AFG2A: variants seen among roughly 807,000 people sequenced by gnomAD.
AFG2A encodes AAA ATPase AFG2A.
At chr4:123,044,529 A>G in the AFG2A span, among the ~76,000 whole-genome samples, 2,080 of 152,150 alleles carry the variant, frequency 0.014, 51 homozygotes, top group African/African-American at 0.047. Context: ...AATTTTAACA[A>G]AATTCATGTG....
the AFG2A span, among the ~76,000 whole-genome samples, chr4:123,082,041 A>G: frequency 1.3e-5 from 2 of 151,584 alleles, no homozygotes; most frequent in African/African-American, 4.9e-5. Context: ...TCTTTATCAC[A>G]TGTGTCTTTC....
At chr4:123,118,275 A>C in the AFG2A span, among the ~76,000 whole-genome samples, 4 of 136,362 alleles carry the variant, frequency 2.9e-5, no homozygotes. Flanking sequence ...GCAAATATAT[A>C]TGCAAATATA....
the AFG2A span, among the ~76,000 whole-genome samples, chr4:123,198,409 G>A: frequency 1.3e-4 from 20 of 152,216 alleles, no homozygotes; most frequent in East Asian, 5.8e-4. Flanking sequence ...ACACAAATTC[G>A]TATGCATTTG....
chr4:123,268,217 C>T, the AFG2A span, among the ~76,000 whole-genome samples: 1 of 151,858 alleles, frequency 6.6e-6, no homozygotes, highest in Admixed American at 6.6e-5. Context: ...AAAAGAGAGA[C>T]AAGAATAATA....
the AFG2A span, among the ~76,000 whole-genome samples, chr4:122,939,475 T>C: frequency 1.3e-5 from 2 of 152,198 alleles, no homozygotes; most frequent in Non-Finnish European, 1.5e-5. Flanking sequence ...AAAAATTTTC[T>C]AAGACTCCTG....
At chr4:123,256,169 T>G in the AFG2A span, 1 of 1,614,066 alleles carries the variant, frequency 6.2e-7, no homozygotes, top group Non-Finnish European at 8.5e-7. Flanking sequence ...CGACGCATAC[T>G]CAGGAGCAGA....
the AFG2A span, among the ~76,000 whole-genome samples, chr4:123,266,105 A>G: frequency 1.3e-5 from 2 of 152,002 alleles, no homozygotes; most frequent in Admixed American, 1.3e-4. Context: ...ATTTGAAGTG[A>G]TGGAAGGCTG....
At chr4:122,945,264 G>A in the AFG2A span, among the ~76,000 whole-genome samples, 129 of 152,354 alleles carry the variant, frequency 8.5e-4, 2 homozygotes, top group East Asian at 0.024. Context: ...AGGCAGGCAG[G>A]CTTCCTTGAG....
At chr4:123,214,394 A>G in the AFG2A span, among the ~76,000 whole-genome samples, 20 of 152,222 alleles carry the variant, frequency 1.3e-4, no homozygotes, top group African/African-American at 4.8e-4. Flanking sequence ...CAGATGACAG[A>G]TCTCATATCA....
the AFG2A span, among the ~76,000 whole-genome samples, chr4:122,975,363 A>C: frequency 6.6e-6 from 1 of 152,184 alleles, no homozygotes; most frequent in Non-Finnish European, 1.5e-5. Flanking sequence ...ACCTCCCATC[A>C]GTGTGTCATT....
chr4:123,104,663 A>G, the AFG2A span, among the ~76,000 whole-genome samples: 2 of 152,358 alleles, frequency 1.3e-5, no homozygotes, highest in Non-Finnish European at 1.5e-5. Context: ...CACATGAATG[A>G]TAAGAAAGCA....
At chr4:123,136,828 G>C in the AFG2A span, among the ~76,000 whole-genome samples, 24 of 147,776 alleles carry the variant, frequency 1.6e-4, no homozygotes, top group Middle Eastern at 6.9e-3. Flanking sequence ...GGCAACAAAA[G>C]TGAAACTCCA....
chr4:122,973,572 A>G, the AFG2A span, among the ~76,000 whole-genome samples: 2 of 151,236 alleles, frequency 1.3e-5, no homozygotes, highest in East Asian at 1.9e-4. Flanking sequence ...TGAATATCCT[A>G]TGTTTGTCTC....
At chr4:123,080,464 A>G in the AFG2A span, among the ~76,000 whole-genome samples, 1 of 152,220 alleles carries the variant, frequency 6.6e-6, no homozygotes, top group Non-Finnish European at 1.5e-5. Flanking sequence ...TTGCTCTGGC[A>G]GCCCCATCTG....
chr4:122,931,508 A>G, the AFG2A span, among the ~76,000 whole-genome samples: 1 of 152,080 alleles, frequency 6.6e-6, no homozygotes, highest in Non-Finnish European at 1.5e-5. Flanking sequence ...GTATATATAT[A>G]ATATATATAC....
the AFG2A span, among the ~76,000 whole-genome samples, chr4:123,235,436 G>A: frequency 1.3e-5 from 2 of 152,096 alleles, no homozygotes; most frequent in Non-Finnish European, 2.9e-5. Flanking sequence ...TCTTCCAAAG[G>A]TGGTGTTAAC....
At chr4:123,214,567 G>A in the AFG2A span, among the ~76,000 whole-genome samples, 1 of 151,774 alleles carries the variant, frequency 6.6e-6, no homozygotes, top group Non-Finnish European at 1.5e-5. Context: ...GAAAAACCAT[G>A]TGGCCTAGAA....
chr4:123,095,820 T>G, the AFG2A span, among the ~76,000 whole-genome samples: 2 of 152,136 alleles, frequency 1.3e-5, no homozygotes, highest in African/African-American at 4.8e-5. Context: ...TTTTACAATC[T>G]TGTTGCCTCT....
the AFG2A span, among the ~76,000 whole-genome samples, chr4:123,181,831 G>A: frequency 7.2e-5 from 11 of 152,180 alleles, no homozygotes; most frequent in South Asian, 2.3e-3. Flanking sequence ...CATATGTGAA[G>A]AATTTATGAA....
Sources: allele counts gnomAD v4.1 joint callset (sites outside exome capture counted in the v4.1 genomes callset), GRCh38; gene constraint gnomAD v4.1.1; transcripts MANE v1.5; gene names NCBI Gene and HGNC (gene_info 2026-07-23, HGNC 2026-07-21).